EDIL3: variants seen among roughly 807,000 people sequenced by gnomAD.
EDIL3 encodes the protein EGF-like repeat and discoidin I-like domain-containing protein 3.
Under a neutral mutation model 67.4 loss-of-function variants are expected in EDIL3, and 37 were observed. That is an observed-to-expected ratio of 0.55 (90% confidence interval 0.42 to 0.72). The LOEUF is 0.72. Ranked by LOEUF, EDIL3 falls within the 30% of genes least tolerant of loss-of-function variation. The pLI is 0.00. For synonymous variants in EDIL3, 195 were observed against 196.3 expected, an observed-to-expected ratio of 0.99 and a Z score of 0.05; for missense variants, 527 against 586.3, an observed-to-expected ratio of 0.90 and a Z score of 1.04.
At chr5:84,229,356 T>G (rs920235343) in intron 3 of EDIL3, among the ~76,000 whole-genome samples, 2 of 152,162 alleles carry the variant, frequency 1.3e-5, no homozygotes, top group Admixed American at 6.6e-5. Flanking sequence ...ATTGTAAAAA[T>G]TACATTTTTA....
At chr5:84,019,382 C>G (rs1745668635) in intron 9 of EDIL3, among the ~76,000 whole-genome samples, 1 of 150,124 alleles carries the variant, frequency 6.7e-6, no homozygotes, top group East Asian at 2.0e-4. Context: ...ACATCACACT[C>G]AGGACTGTTG....
At chr5:84,046,273 C>T (rs762626999) in intron 9 of EDIL3, among the ~76,000 whole-genome samples, 5 of 152,148 alleles carry the variant, frequency 3.3e-5, no homozygotes, top group Non-Finnish European at 5.9e-5. Context: ...ATCTGCAGAG[C>T]CTGGCTGGAC....
intron 2 of EDIL3, among the ~76,000 whole-genome samples, chr5:84,239,208 T>C (rs957313513): frequency 1.3e-5 from 2 of 152,192 alleles, no homozygotes; most frequent in Non-Finnish European, 2.9e-5. Flanking sequence ...ATTTTACATA[T>C]TATGGTATAT....
chr5:84,242,829 A>ATTG (rs1744826481), intron 2 of EDIL3, among the ~76,000 whole-genome samples: 1 of 147,868 alleles, frequency 6.8e-6, no homozygotes, highest in Non-Finnish European at 1.5e-5. Flanking sequence ...AAGAAATATT[A>ATTG]TTATTATTAT....
At chr5:84,186,039 C>T (rs1379778853) in intron 3 of EDIL3, among the ~76,000 whole-genome samples, 1 of 151,914 alleles carries the variant, frequency 6.6e-6, no homozygotes, top group Non-Finnish European at 1.5e-5. Context: ...TGCTTCCTAG[C>T]CAAAAGTTAT....
rs77602369 is a variant in EDIL3 at position 84,154,989 on chromosome 5, G to A, written c.356-17635C>T. The stretch of plus-strand genomic sequence containing the variant: ...TGCTGGGATTACAGGCATGAGCCAC[G>A]CGCCTAGCCTCTGCTTCTTATTCTA... On this transcript the variant is annotated intron_variant, in intron 4 of 10. Coordinates refer to ENST00000296591, the MANE Select transcript of EDIL3 (RefSeq NM_005711.5). Among the ~76,000 whole-genome samples, 753 of 152,098 alleles carry A rather than the reference G, an allele frequency of 5.0e-3. 1 individual carries two copies. Among genetic ancestry groups the A allele is most frequent in the Non-Finnish European group, 8.2e-3 (555 of 67,988 alleles).
At chr5:84,178,794 G>A (rs750735903) in intron 4 of EDIL3, among the ~76,000 whole-genome samples, 23 of 152,104 alleles carry the variant, frequency 1.5e-4, no homozygotes, top group Admixed American at 2.6e-4. Context: ...GGGACTAGGT[G>A]GTTTAGACAA....
chr5:84,200,714 T>C (rs1363798468), intron 3 of EDIL3, among the ~76,000 whole-genome samples: 2 of 152,090 alleles, frequency 1.3e-5, no homozygotes, highest in East Asian at 1.9e-4. Flanking sequence ...GACAAATTTA[T>C]ATTCAGTCCA....
intron 5 of EDIL3, among the ~76,000 whole-genome samples, chr5:84,113,933 C>T (rs1474470197): frequency 6.6e-6 from 1 of 152,116 alleles, no homozygotes; most frequent in Non-Finnish European, 1.5e-5. Flanking sequence ...AATGCAAGCA[C>T]TGGTGAATGG....
intron 3 of EDIL3, among the ~76,000 whole-genome samples, chr5:84,191,709 G>A (rs1274884559): frequency 6.6e-6 from 1 of 151,818 alleles, no homozygotes; most frequent in Admixed American, 6.6e-5. Context: ...GGTCACCAAA[G>A]CAAACCAATA....
At chr5:84,113,856 C>A (rs974961857) in intron 5 of EDIL3, among the ~76,000 whole-genome samples, 1 of 152,218 alleles carries the variant, frequency 6.6e-6, no homozygotes, top group Admixed American at 6.5e-5. Context: ...TCCTCCCTTT[C>A]TCCGAGCATC....
chr5:84,204,841 C>T (rs145083585), intron 3 of EDIL3, among the ~76,000 whole-genome samples: 29 of 146,072 alleles, frequency 2.0e-4, no homozygotes, highest in Non-Finnish European at 3.6e-4. Context: ...GACCTAAAAA[C>T]GAAATGCTGC....
intron 9 of EDIL3, among the ~76,000 whole-genome samples, chr5:84,043,454 G>A (rs890950475): frequency 1.1e-4 from 17 of 152,146 alleles, no homozygotes; most frequent in Admixed American, 9.2e-4. Flanking sequence ...ACAGAGGCAC[G>A]CAGTGAACTG....
chr5:84,269,271 T>C (rs1745414468), intron 1 of EDIL3, among the ~76,000 whole-genome samples: 3 of 152,142 alleles, frequency 2.0e-5, no homozygotes, highest in East Asian at 3.9e-4. Context: ...ATGTCAAAAT[T>C]TATATGTAGT....
intron 1 of EDIL3, among the ~76,000 whole-genome samples, chr5:84,331,823 C>G (rs1746878256): frequency 1.3e-5 from 2 of 152,094 alleles, no homozygotes; most frequent in South Asian, 4.1e-4. Flanking sequence ...ACTTCATGTA[C>G]ATATTCAGAA....
At chr5:84,157,130 A>G (rs1407942131) in intron 4 of EDIL3, among the ~76,000 whole-genome samples, 1 of 152,134 alleles carries the variant, frequency 6.6e-6, no homozygotes, top group Non-Finnish European at 1.5e-5. Context: ...TTTTCTATTA[A>G]AAATGTCAAG....
Position 84,210,823 on chromosome 5 carries a change from G to T in EDIL3, c.226+19032C>A, listed in dbSNP as rs1007580466. On this transcript the variant is annotated intron_variant, in intron 3 of 10. Coordinates refer to ENST00000296591, the MANE Select transcript of EDIL3 (RefSeq NM_005711.5). Reference sequence around the variant, plus strand: ...TATTTTATAACCACTTTTTAATCCAGAAATGCAAAATATGAGAGCTGCAAA... The same window carrying T: ...TATTTTATAACCACTTTTTAATCCATAAATGCAAAATATGAGAGCTGCAAA... Among the ~76,000 whole-genome samples the T allele has an allele frequency of 8.5e-5, 13 of 152,082 alleles. 1 individual carries two copies. Among genetic ancestry groups the T allele is most frequent in the Non-Finnish European group, 4.4e-5 (3 of 68,014 alleles).
chr5:84,360,098 T>C (rs887265797), intron 1 of EDIL3, among the ~76,000 whole-genome samples: 1 of 152,174 alleles, frequency 6.6e-6, no homozygotes, highest in Non-Finnish European at 1.5e-5. Flanking sequence ...ATTAAACTAC[T>C]ACTACCACAC....
chr5:84,325,159 C>T (rs1580078939), intron 1 of EDIL3, among the ~76,000 whole-genome samples: 1 of 151,814 alleles, frequency 6.6e-6, no homozygotes, highest in South Asian at 2.1e-4. Flanking sequence ...TTTAATTGTA[C>T]ATCAAAAGAT....
Sources: allele counts gnomAD v4.1 joint callset (sites outside exome capture counted in the v4.1 genomes callset), GRCh38; gene constraint gnomAD v4.1.1; transcripts MANE v1.5; gene names NCBI Gene and HGNC (gene_info 2026-07-23, HGNC 2026-07-21).